The following SLC22A16 variants were observed in gnomAD, a reference collection of about 807,000 sequenced individuals.
SLC22A16 encodes solute carrier family 22 member 16.
Under a neutral mutation model 52.9 loss-of-function variants are expected in SLC22A16, and 53 were observed. That is an observed-to-expected ratio of 1.00 (90% CI 0.80 to 1.26). SLC22A16 has a LOEUF of 1.26. SLC22A16 is among the 50% of genes most tolerant of loss of function. The probability of loss-of-function intolerance (pLI) is 0.00; values close to 1 mark genes in which losing one functional copy is unlikely to be tolerated. For synonymous variants in SLC22A16, 291 were observed against 268.8 expected, an observed-to-expected ratio of 1.08 and a Z score of -0.81; for missense variants, 726 against 704.0, an observed-to-expected ratio of 1.03 and a Z score of -0.35.
intron 2 of SLC22A16, among the ~76,000 whole-genome samples, chr6:110,452,234 T>G (rs1436874737): frequency 2.0e-5 from 3 of 152,188 alleles, no homozygotes; most frequent in Non-Finnish European, 4.4e-5. Flanking sequence ...TATTTTTAGG[T>G]TTCTGCAATG....
intron 1 of SLC22A16, among the ~76,000 whole-genome samples, chr6:110,473,422 T>C (rs1012566906): frequency 6.0e-5 from 9 of 150,988 alleles, no homozygotes; most frequent in Admixed American, 2.0e-4. Flanking sequence ...GTGAAGTTTA[T>C]GGAAACGATA....
At chr6:110,468,661 A>G (rs56256001) in intron 1 of SLC22A16, among the ~76,000 whole-genome samples, 1 of 149,016 alleles carries the variant, frequency 6.7e-6, no homozygotes, top group Admixed American at 6.7e-5. Flanking sequence ...AAAAAAAAAC[A>G]AAATGGAGAA....
At chr6:110,431,292 T>A (rs1003393930) in intron 6 of SLC22A16, 22 bp from the exon 7 acceptor site, 5 of 1,604,736 alleles carry the variant, frequency 3.1e-6, no homozygotes, top group Admixed American at 3.3e-5. Context: ...GGAGAGAGGC[T>A]GAGACAAGTA....
At chr6:110,443,191 T>A (rs1391151379) in intron 3 of SLC22A16, among the ~76,000 whole-genome samples, 1 of 152,212 alleles carries the variant, frequency 6.6e-6, no homozygotes, top group African/African-American at 2.4e-5. Flanking sequence ...TAAGAAAAAC[T>A]GATTTAATTA....
intron 4 of SLC22A16, among the ~76,000 whole-genome samples, chr6:110,441,256 G>A (rs537244503): frequency 6.6e-6 from 1 of 152,306 alleles, no homozygotes; most frequent in South Asian, 2.1e-4. Flanking sequence ...AATTAGTCTG[G>A]CTTACAGAAT....
chr6:110,471,124 T>C (rs766793365), intron 1 of SLC22A16, among the ~76,000 whole-genome samples: 1 of 152,214 alleles, frequency 6.6e-6, no homozygotes, highest in Non-Finnish European at 1.5e-5. Flanking sequence ...ATGAACCACA[T>C]ATACAACAGT....
In SLC22A16 at chr6:110,446,887, A is replaced by G. The variant is rs750811350; in HGVS notation, c.637T>C (p.Phe213Leu). ...VDYYTFMAARFFLAMVASGYL... is the reference protein window; with the variant it reads ...VDYYTFMAARLFLAMVASGYL... ...ACACAACTCACCATGGCAAGAAAAA[A>G]GCGAGCAGCCATGAAGGTGTAATAA... The change falls in exon 3 of 8, where the codon TTT becomes CTT. Residue 213 changes from phenylalanine (F) to leucine (L), a missense_variant. Physicochemically the swap from Phe to Leu is conservative, Grantham distance 22. Transcript: ENST00000368919. The G allele has an allele frequency of 6.2e-7, 1 of 1,610,116 alleles. No individual in the cohort carries two copies. The highest frequency in any genetic ancestry group is 8.5e-7 in the Non-Finnish European group (1 of 1,178,912).
chr6:110,470,827 T>C (rs1776235991), intron 1 of SLC22A16, among the ~76,000 whole-genome samples: 1 of 152,112 alleles, frequency 6.6e-6, no homozygotes, highest in Admixed American at 6.6e-5. Context: ...TTAAGAAGCT[T>C]CTTAGGAGAT....
chr6:110,467,841 T>C (rs1776124525), intron 1 of SLC22A16, among the ~76,000 whole-genome samples: 1 of 152,256 alleles, frequency 6.6e-6, no homozygotes, highest in Non-Finnish European at 1.5e-5. Context: ...CATTCATATA[T>C]AAAATGGGTG....
intron 3 of SLC22A16, among the ~76,000 whole-genome samples, chr6:110,444,350 A>G (rs1052147744): frequency 6.6e-6 from 1 of 152,228 alleles, no homozygotes; most frequent in Admixed American, 6.5e-5. Flanking sequence ...AAATCATACA[A>G]TTAACTTTTG....
At chr6:110,446,392 G>A (rs535965841) in intron 3 of SLC22A16, among the ~76,000 whole-genome samples, 53 of 152,146 alleles carry the variant, frequency 3.5e-4, no homozygotes, top group Non-Finnish European at 6.0e-4. Flanking sequence ...AGAGGATACT[G>A]ATCATACAAC....
chr6:110,430,216 T>A (rs1288446867), intron 7 of SLC22A16, among the ~76,000 whole-genome samples: 1 of 151,634 alleles, frequency 6.6e-6, no homozygotes, highest in Admixed American at 6.6e-5. Flanking sequence ...AAGAACAGGA[T>A]GAATAAGAAG....
At chr6:110,435,084 G>A (rs1482545659) in intron 6 of SLC22A16, among the ~76,000 whole-genome samples, 6 of 152,252 alleles carry the variant, frequency 3.9e-5, no homozygotes, top group Admixed American at 1.3e-4. Flanking sequence ...TGACTCTGAC[G>A]AGCTGCCAGC....
chr6:110,458,471 T>C (rs1464174859), intron 1 of SLC22A16, among the ~76,000 whole-genome samples: 1 of 152,228 alleles, frequency 6.6e-6, no homozygotes. Flanking sequence ...CTACAGCCAG[T>C]TGGAAGCTGA....
intron 2 of SLC22A16, among the ~76,000 whole-genome samples, chr6:110,451,676 A>G (rs1228553706): frequency 2.0e-5 from 3 of 152,190 alleles, no homozygotes; most frequent in African/African-American, 7.2e-5. Context: ...ATTTAGTTAT[A>G]TGTAAAGCAA....
intron 1 of SLC22A16, among the ~76,000 whole-genome samples, chr6:110,469,300 G>A (rs945830678): frequency 3.3e-5 from 5 of 152,238 alleles, no homozygotes; most frequent in Admixed American, 6.5e-5. Context: ...ATGCTGAGGC[G>A]GATCACTTGA....
Position 110,454,775 on chromosome 6 carries a change from TATATATAA to T in SLC22A16, c.533+1755_533+1762del, listed in dbSNP as rs1280104794. 2.5e-4 allele frequency among the ~76,000 whole-genome samples: 13 copies of T among 51,610 alleles called. No individual in the cohort carries two copies. In the East Asian group the frequency reaches 6.7e-3, roughly 27 times the overall value. The allele number at this position is 51,610 out of a possible 152,430, so 33.9% of individuals were successfully genotyped here. A position where few individuals can be genotyped will look rare whatever the true frequency, so the allele number is the denominator to read the frequency against. On this transcript the variant is annotated intron_variant, in intron 2 of 7. Coordinates refer to ENST00000368919, the MANE Select transcript of SLC22A16 (RefSeq NM_033125.4). ...TATTATATACATTTATATATATAAATATATATAAATATATAAATATATATAATATATAT... is the reference window on the plus strand; with the variant it reads ...TATTATATACATTTATATATATAAATATATATAAATATATATAATATATAT...
intron 4 of SLC22A16, among the ~76,000 whole-genome samples, chr6:110,441,173 C>T (rs941775135): frequency 6.6e-6 from 1 of 152,196 alleles, no homozygotes; most frequent in African/African-American, 2.4e-5. Context: ...GAAAAAAATA[C>T]ATCTTGTTTA....
At chr6:110,429,149 AT>A (rs768504245) in intron 7 of SLC22A16, among the ~76,000 whole-genome samples, 2 of 152,164 alleles carry the variant, frequency 1.3e-5, no homozygotes, top group South Asian at 2.1e-4. Context: ...TTGAAAAAAA[AT>A]AATAAGGAAA....
Sources: gnomAD v4.1 joint callset for allele counts (sites outside exome capture counted in the v4.1 genomes callset) on GRCh38, gnomAD v4.1.1 for gene constraint, MANE v1.5 for transcripts, NCBI Gene and HGNC (gene_info 2026-07-23, HGNC 2026-07-21) for gene names.